Variants in TRAPPC8 observed in about 807,000 individuals in gnomAD.
The protein encoded by TRAPPC8 is trafficking protein particle complex subunit 8, also known as general sporulation gene 1 homolog.
A neutral mutation model predicts 174.3 loss-of-function variants in TRAPPC8; 54 were observed. The observed-to-expected ratio is 0.31, with a 90% CI of 0.25 to 0.39. The LOEUF is 0.39. Ranked by LOEUF, TRAPPC8 falls within the 10% of genes least tolerant of loss-of-function variation. The pLI is 1.00. For missense variants in TRAPPC8, 1,531 were observed against 1,699.1 expected, an observed-to-expected ratio of 0.90 and a Z score of 1.74; for synonymous variants, 630 against 579.9, an observed-to-expected ratio of 1.09 and a Z score of -1.24.
chr18:31,889,559 CAT>C (rs1176429764), intron 12 of TRAPPC8, among the ~76,000 whole-genome samples: 4 of 152,146 alleles, frequency 2.6e-5, no homozygotes, highest in Non-Finnish European at 4.4e-5. Flanking sequence ...AGTGGCGTAA[CAT>C]GTTTCAGATG....
At chr18:31,873,807 T>C in intron 13 of TRAPPC8, 1 of 315,066 alleles carries the variant, frequency 3.2e-6, no homozygotes, top group South Asian at 3.9e-5. Context: ...AGTAAGCGTT[T>C]TACTTCTTAT....
At chr18:31,878,108 G>A (rs2035253341) in intron 12 of TRAPPC8, among the ~76,000 whole-genome samples, 1 of 152,082 alleles carries the variant, frequency 6.6e-6, no homozygotes, top group South Asian at 2.1e-4. Flanking sequence ...GCCCGTTTTG[G>A]TGGAAGTGTA....
chr18:31,863,259 T>C (rs982557668), intron 19 of TRAPPC8, among the ~76,000 whole-genome samples: 1 of 152,160 alleles, frequency 6.6e-6, no homozygotes, highest in Non-Finnish European at 1.5e-5. Context: ...ACAGGTACTC[T>C]CACTCTGAAG....
chr18:31,877,022 G>A (rs911064346), intron 12 of TRAPPC8, among the ~76,000 whole-genome samples: 7 of 152,198 alleles, frequency 4.6e-5, no homozygotes, highest in African/African-American at 1.7e-4. Context: ...GAGACCAGTG[G>A]GTCCCCAGAG....
chr18:31,930,122 CTTTTTTT>C (rs763334461), intron 2 of TRAPPC8, among the ~76,000 whole-genome samples: 1 of 144,364 alleles, frequency 6.9e-6, no homozygotes, highest in African/African-American at 2.5e-5. Context: ...TTAGGAAAAA[CTTTTTTT>C]TTTTTTTTTA....
rs1259444643 is a variant in TRAPPC8, at chr18:31,829,953, ATG to A, written c.*800_*801del. ...ACTAATACGCTATACAGTGAATAGC[ATG>A]TCTTTATTCTATTTACAGTATATTT... On this transcript the variant is annotated 3_prime_UTR_variant, in exon 29 of 29. Coordinates refer to ENST00000283351, the MANE Select transcript of TRAPPC8 (RefSeq NM_014939.5). 6.5e-6 allele frequency: 1 copy of A among 152,674 alleles called. No individual in the cohort carries two copies. The highest frequency in any genetic ancestry group is 1.5e-5 in the Non-Finnish European group (1 of 68,040). 9.5% of individuals were successfully genotyped at this position (152,674 alleles called of 1,614,324 possible).
At chr18:31,938,895 C>T (rs2038211274) in intron 1 of TRAPPC8, among the ~76,000 whole-genome samples, 1 of 152,088 alleles carries the variant, frequency 6.6e-6, no homozygotes, top group African/African-American at 2.4e-5. Flanking sequence ...TCCTGGCCAA[C>T]ATGGTGAAAC....
Position 31,880,079 on chromosome 18 carries a change from T to C in TRAPPC8, c.1729-5375A>G, listed in dbSNP as rs752128924. Among the ~76,000 whole-genome samples the C allele has an allele frequency of 4.0e-3, 238 of 59,480 alleles. 1 individual carries two copies. The highest frequency in any genetic ancestry group is 7.8e-3 in the Admixed American group (55 of 7,066). 39.0% of individuals were successfully genotyped at this position (59,480 alleles called of 152,430 possible). A position where few individuals can be genotyped will look rare whatever the true frequency, so the allele number is the denominator to read the frequency against. On this transcript the variant is annotated intron_variant, in intron 12 of 28. Coordinates refer to ENST00000283351, the MANE Select transcript of TRAPPC8 (RefSeq NM_014939.5). ...GCTGGTACCAATTTTACTGAAACTA[T>C]TGAAAAAAAAAATATATATATATAT...
chr18:31,844,426 T>C (rs2033275518), intron 26 of TRAPPC8: 1 of 152,214 alleles, frequency 6.6e-6, no homozygotes, highest in African/African-American at 2.4e-5. Context: ...ATCTGGGTCC[T>C]GGTTTGGAGT....
At chr18:31,921,122 T>C (rs781673764) in intron 2 of TRAPPC8, among the ~76,000 whole-genome samples, 1 of 152,032 alleles carries the variant, frequency 6.6e-6, no homozygotes, top group Non-Finnish European at 1.5e-5. Flanking sequence ...CTTCCAGATA[T>C]ATTAAGTGAA....
chr18:31,843,135 T>C (rs1239449303), intron 26 of TRAPPC8, among the ~76,000 whole-genome samples: 1 of 152,196 alleles, frequency 6.6e-6, no homozygotes, highest in Non-Finnish European at 1.5e-5. Flanking sequence ...CACTTAAGGG[T>C]TGTATATTAA....
chr18:31,926,061 G>A (rs1201519440), intron 2 of TRAPPC8, among the ~76,000 whole-genome samples: 4 of 152,142 alleles, frequency 2.6e-5, no homozygotes, highest in Admixed American at 6.6e-5. Context: ...GCTGTGGAGT[G>A]GGCCTCGGAC....
chr18:31,900,989 C>T lies in TRAPPC8; in HGVS notation c.1426G>A (p.Ala476Thr). ...TAATGAGCAGGATATGGCCTAGGTG[C>T]TCCTGGTTGAAGAAAAGCAGACACT... ...AAVSAFLQPGAPRPYPAHYMD... is the reference protein window; with the variant it reads ...AAVSAFLQPGTPRPYPAHYMD... Residue 476 changes from alanine (A) to threonine (T), a missense_variant, in exon 10 of 29, where the codon GCA (alanine) becomes ACA (threonine). Coordinates refer to ENST00000283351, the MANE Select transcript of TRAPPC8 (RefSeq NM_014939.5). The T allele has an allele frequency of 1.3e-6, 2 of 1,586,852 alleles. No individual in the cohort carries two copies. The highest frequency in any genetic ancestry group is 1.7e-6 in the Non-Finnish European group (2 of 1,172,462).
chr18:31,891,581 T>C (rs945008686), intron 11 of TRAPPC8, among the ~76,000 whole-genome samples: 3 of 152,164 alleles, frequency 2.0e-5, no homozygotes, highest in Non-Finnish European at 2.9e-5. Context: ...ATCTTTTGAC[T>C]GAAAGAGTCA....
At chr18:31,876,169 AT>A (rs1290617971) in intron 12 of TRAPPC8, among the ~76,000 whole-genome samples, 1 of 152,088 alleles carries the variant, frequency 6.6e-6, no homozygotes, top group Non-Finnish European at 1.5e-5. Flanking sequence ...TTATGTATCA[AT>A]TTTTTTAAAA....
At chr18:31,932,659 AC>A (rs1185191215) in intron 1 of TRAPPC8, among the ~76,000 whole-genome samples, 1 of 152,106 alleles carries the variant, frequency 6.6e-6, no homozygotes, top group African/African-American at 2.4e-5. Flanking sequence ...ACATAATCAG[AC>A]AAAATGTTCC....
In TRAPPC8 at chr18:31,914,807, T is replaced by C. The variant is rs116697488; in HGVS notation, c.618-1285A>G. On this transcript the variant is annotated intron_variant, in intron 4 of 28. Coordinates refer to ENST00000283351, the MANE Select transcript of TRAPPC8 (RefSeq NM_014939.5). ...GTAAAATTACTGCGTTTATCCTATTTTTCAAGAATTTATTTTTAAAGACAA... is the reference window on the plus strand; with the variant it reads ...GTAAAATTACTGCGTTTATCCTATTCTTCAAGAATTTATTTTTAAAGACAA... 4.3e-3 allele frequency among the ~76,000 whole-genome samples: 654 copies of C among 152,338 alleles called. 6 individuals are homozygous for C. The highest frequency in any genetic ancestry group is 0.015 in the African/African-American group (634 of 41,574).
At chr18:31,919,403 C>T (rs941927058) in intron 2 of TRAPPC8, among the ~76,000 whole-genome samples, 2 of 151,548 alleles carry the variant, frequency 1.3e-5, no homozygotes, top group East Asian at 1.9e-4. Context: ...CATGGTGGCG[C>T]CCTTGTGCAA....
At chr18:31,931,774 C>T (rs893123575) in intron 1 of TRAPPC8, among the ~76,000 whole-genome samples, 3 of 152,168 alleles carry the variant, frequency 2.0e-5, no homozygotes, top group Non-Finnish European at 4.4e-5. Flanking sequence ...TGTAGGTCCT[C>T]TCCTTTCCTA....
Sources: gnomAD v4.1 joint callset for allele counts (sites outside exome capture counted in the v4.1 genomes callset) on GRCh38, gnomAD v4.1.1 for gene constraint, MANE v1.5 for transcripts, NCBI Gene and HGNC (gene_info 2026-07-23, HGNC 2026-07-21) for gene names.